Variants in MTMR2 observed in about 807,000 individuals in gnomAD.
The protein encoded by MTMR2 is phosphatidylinositol-3,5-bisphosphate 3-phosphatase MTMR2.
A neutral mutation model predicts 86.9 loss-of-function variants in MTMR2; 55 were observed. The observed-to-expected ratio is 0.63, with a 90% confidence interval of 0.51 to 0.79. The LOEUF (loss-of-function observed/expected upper bound fraction) is 0.79. Among genes scored for constraint, MTMR2 ranks in the 30% least tolerant of loss-of-function variants. The pLI, the probability that MTMR2 is intolerant of heterozygous loss-of-function variation, is 0.00. For synonymous variants in MTMR2, 241 were observed against 266.8 expected, an observed-to-expected ratio of 0.90 and a Z score of 0.94; for missense variants, 659 against 772.3, an observed-to-expected ratio of 0.85 and a Z score of 1.74.
Position 95,835,159 on chromosome 11 carries a change from G to C in MTMR2, c.*131C>G, listed in dbSNP as rs1863203812. The C allele has an allele frequency of 1.0e-5, 10 of 972,630 alleles. No individual in the cohort carries two copies. In the Admixed American group the frequency reaches 2.0e-4, roughly 20 times the overall value. 60.2% of individuals were successfully genotyped at this position (972,630 alleles called of 1,614,324 possible). A position where few individuals can be genotyped will look rare whatever the true frequency, so the allele number is the denominator to read the frequency against. On this transcript the variant is annotated 3_prime_UTR_variant, in exon 15 of 15. Transcript: ENST00000346299. ...GCTACAGTTCTAAACTCATCCTAGAGAGATTTAAAATAAATAAAGTGACTG... is the reference window on the plus strand; with the variant it reads ...GCTACAGTTCTAAACTCATCCTAGACAGATTTAAAATAAATAAAGTGACTG...
At chr11:95,888,477 C>A (rs576658910) in intron 1 of MTMR2, among the ~76,000 whole-genome samples, 1 of 152,280 alleles carries the variant, frequency 6.6e-6, no homozygotes, top group South Asian at 2.1e-4. Context: ...TGGATAGACT[C>A]CCAATACTCA....
At chr11:95,871,928 G>A (rs1864905051) in intron 2 of MTMR2, among the ~76,000 whole-genome samples, 1 of 152,160 alleles carries the variant, frequency 6.6e-6, no homozygotes, top group Non-Finnish European at 1.5e-5. Flanking sequence ...GTAAGGAAGG[G>A]ATCCAGTTTC....
chr11:95,920,325 T>C (rs1866869681), intron 1 of MTMR2, among the ~76,000 whole-genome samples: 1 of 152,178 alleles, frequency 6.6e-6, no homozygotes, highest in South Asian at 2.1e-4. Context: ...TGTTTTTGTT[T>C]GAGATGGAGT....
In MTMR2 at chr11:95,888,155, C is replaced by CGGG. The variant is rs1865579197; in HGVS notation, c.186_186+1insCCC (p.Arg62_Val63insPro). ...TCAGAACTTTAAAATAGTATACATA[C>CGGG]CCTCAAATCAGGAGAAAAGTTGTCG... On this transcript the variant is annotated inframe_insertion and splice_region_variant. Transcript: ENST00000346299. 6.3e-7 allele frequency: 1 copy of CGGG among 1,581,844 alleles called. No homozygotes were observed. Among genetic ancestry groups the CGGG allele is most frequent in the Non-Finnish European group, 8.7e-7 (1 of 1,154,296 alleles).
At chr11:95,882,889 A>ATTTTTTTTTTTTTTTTTTTTTTTTTT (rs776661875) in intron 2 of MTMR2, among the ~76,000 whole-genome samples, 1 of 76,100 alleles carries the variant, frequency 1.3e-5, no homozygotes. Context: ...CATCCAGCTA[A>ATTTTTTTTTTTTTTTTTTTTTTTTTT]TTTTTTTTTT....
chr11:95,850,762 T>G lies in MTMR2; in HGVS notation c.655-13A>C, dbSNP rs761865681. 1.1e-5 allele frequency: 17 copies of G among 1,597,436 alleles called. No homozygotes were observed. Among genetic ancestry groups the G allele is most frequent in the Non-Finnish European group, 1.5e-5 (17 of 1,167,192 alleles). On this transcript the variant is annotated splice_polypyrimidine_tract_variant and intron_variant, in intron 7 of 14. Coordinates refer to ENST00000346299, the MANE Select transcript of MTMR2 (RefSeq NM_016156.6). ...CATTTGGAATTCCCTACATGTGAAA[T>G]GAAACATAAGACAAATTACTATATA...
At chr11:95,869,226 C>G (rs1331150183) in intron 2 of MTMR2, among the ~76,000 whole-genome samples, 1 of 110,560 alleles carries the variant, frequency 9.0e-6, no homozygotes, top group Non-Finnish European at 1.8e-5. Flanking sequence ...TGCAAAACAC[C>G]ATGAAAATGA....
At chr11:95,837,147 T>C (rs1363052654) in intron 13 of MTMR2, among the ~76,000 whole-genome samples, 2 of 152,082 alleles carry the variant, frequency 1.3e-5, no homozygotes, top group Non-Finnish European at 1.5e-5. Context: ...ACTTACTGCA[T>C]GCTAGACACT....
rs367666912 is a variant in MTMR2 at position 95,849,896 on chromosome 11, C to T, written c.805-34G>A. ...GGAAAAAATGGTAACACACCTTTTA[C>T]ATACTTCTCTGTTTATAATTCTCAA... is the stretch of plus-strand genomic sequence containing the variant. On this transcript the variant is annotated intron_variant, in intron 8 of 14. Coordinates refer to ENST00000346299, the MANE Select transcript of MTMR2 (RefSeq NM_016156.6). The T allele has an allele frequency of 2.6e-6, 4 of 1,537,024 alleles. No individual in the cohort carries two copies. The African/African-American group carries it at 4.1e-5, about 16-fold the overall frequency.
chr11:95,847,971 A>C, intron 9 of MTMR2, 72 bp from the exon 10 acceptor site: 1 of 1,396,654 alleles, frequency 7.2e-7, no homozygotes, highest in Non-Finnish European at 1.0e-6. Context: ...TAAAATATCC[A>C]ATAGCATAAA....
At position 95,889,524 on chromosome 11, in the gene MTMR2, AG is replaced by A. The variant is rs1223043505; in HGVS notation, c.81-1264del. 2.2e-4 allele frequency among the ~76,000 whole-genome samples: 16 copies of A among 72,572 alleles called. No individual in the cohort carries two copies. In the East Asian group the frequency reaches 3.2e-3, roughly 15 times the overall value. 47.6% of individuals were successfully genotyped at this position (72,572 alleles called of 152,430 possible). On this transcript the variant is annotated intron_variant, in intron 1 of 14. Coordinates refer to ENST00000346299, the MANE Select transcript of MTMR2 (RefSeq NM_016156.6). Reference sequence around the variant, plus strand: ...AAAATTATGTCTTTTTTGGGGGGGGAGGGGGGCGGGGGAGAAATGAGGTCTC... The same window carrying A: ...AAAATTATGTCTTTTTTGGGGGGGGAGGGGGCGGGGGAGAAATGAGGTCTC...
chr11:95,910,727 T>A (rs1426015225), intron 1 of MTMR2, among the ~76,000 whole-genome samples: 1 of 152,206 alleles, frequency 6.6e-6, no homozygotes, highest in Non-Finnish European at 1.5e-5. Context: ...ATACACAGCA[T>A]GTTTGCCCAA....
Position 95,865,559 on chromosome 11 carries a change from T to C in MTMR2, c.262+42A>G, listed in dbSNP as rs755130226. On this transcript the variant is annotated intron_variant, in intron 3 of 14. Coordinates refer to ENST00000346299, the MANE Select transcript of MTMR2 (RefSeq NM_016156.6). ...TGAGAGTACTGAACATTCTGCACAGTAGAACGGAGAAGGACATTAAGCAAA... is the reference window on the plus strand; with the variant it reads ...TGAGAGTACTGAACATTCTGCACAGCAGAACGGAGAAGGACATTAAGCAAA... The C allele has an allele frequency of 3.3e-6, 5 of 1,525,704 alleles. No individual in the cohort carries two copies. In the African/African-American group the frequency reaches 4.1e-5, roughly 13 times the overall value. 94.5% of individuals were successfully genotyped at this position (1,525,704 alleles called of 1,614,324 possible). A position where few individuals can be genotyped will look rare whatever the true frequency, so the allele number is the denominator to read the frequency against.
intron 11 of MTMR2, among the ~76,000 whole-genome samples, chr11:95,844,114 G>A (rs1018677003): frequency 1.5e-4 from 23 of 152,048 alleles, no homozygotes; most frequent in East Asian, 9.6e-4. Context: ...TAGCAACTTC[G>A]AACACCCCAA....
At chr11:95,889,638 G>A (rs1171176574) in intron 1 of MTMR2, among the ~76,000 whole-genome samples, 1 of 151,912 alleles carries the variant, frequency 6.6e-6, no homozygotes, top group African/African-American at 2.4e-5. Context: ...TTTCATGCAT[G>A]GGCTACCGTG....
At position 95,924,009 on chromosome 11, in the gene MTMR2, C is replaced by A; in HGVS notation, c.-55G>T. 6.5e-7 allele frequency: 1 copy of A among 1,546,542 alleles called. No individual in the cohort carries two copies. The highest frequency in any genetic ancestry group is 8.7e-7 in the Non-Finnish European group (1 of 1,143,844). On this transcript the variant is annotated 5_prime_UTR_variant, in exon 1 of 15. Transcript: ENST00000346299. ...TGAAGCAGTCTTCGCGGCTACAGGG[C>A]GGGAGAAGCGGAGGGCGGAGTGCTA...
intron 9 of MTMR2, 89 bp from the exon 10 acceptor site, chr11:95,847,988 T>C (rs1055024878): frequency 7.9e-7 from 1 of 1,270,606 alleles, no homozygotes. Context: ...TAAAAGATGA[T>C]ACATATTACT....
intron 7 of MTMR2, among the ~76,000 whole-genome samples, chr11:95,853,109 T>C (rs1490118395): frequency 6.7e-6 from 1 of 148,778 alleles, no homozygotes; most frequent in Non-Finnish European, 1.5e-5. Flanking sequence ...ATATATTTCA[T>C]ATTTTTTATA....
intron 1 of MTMR2, among the ~76,000 whole-genome samples, chr11:95,892,991 T>C (rs925632570): frequency 5.3e-5 from 8 of 152,184 alleles, no homozygotes; most frequent in African/African-American, 1.7e-4. Context: ...TCTACATTAC[T>C]ATTAGTTTTG....
Sources: allele counts gnomAD v4.1 joint callset (sites outside exome capture counted in the v4.1 genomes callset), GRCh38; gene constraint gnomAD v4.1.1; transcripts MANE v1.5; gene names NCBI Gene and HGNC (gene_info 2026-07-23, HGNC 2026-07-21).